The following SLC24A3 variants were observed in gnomAD, a reference collection of about 807,000 sequenced individuals.
The protein encoded by SLC24A3 is sodium/potassium/calcium exchanger 3.
SLC24A3 carries 28 observed loss-of-function variants against 75.8 expected under a neutral mutation model. That is an observed-to-expected ratio of 0.37 (90% CI 0.27 to 0.51). The LOEUF is 0.51. Ranked by LOEUF, SLC24A3 falls within the 20% of genes least tolerant of loss-of-function variation. The pLI, the probability that SLC24A3 is intolerant of heterozygous loss-of-function variation, is 0.94. For missense variants in SLC24A3, 663 were observed against 847.8 expected (o/e 0.78, Z 2.71); for synonymous variants, 372 against 334.1 (o/e 1.11, Z -1.24).
intron 2 of SLC24A3, among the ~76,000 whole-genome samples, chr20:19,484,635 T>C (rs1238563396): frequency 2.0e-5 from 3 of 148,214 alleles, no homozygotes; most frequent in East Asian, 1.9e-4. Context: ...GTCTCTAGAG[T>C]AGTCAAATGC....
intron 6 of SLC24A3, among the ~76,000 whole-genome samples, chr20:19,640,029 C>T (rs910194570): frequency 2.6e-5 from 4 of 152,242 alleles, no homozygotes; most frequent in African/African-American, 9.6e-5. Flanking sequence ...CCACACCTCC[C>T]TGCAAGCTGA....
At chr20:19,440,314 G>T (rs548086747) in intron 2 of SLC24A3, among the ~76,000 whole-genome samples, 2 of 152,324 alleles carry the variant, frequency 1.3e-5, no homozygotes, top group African/African-American at 4.8e-5. Flanking sequence ...TGGTGTTCAG[G>T]TAGGAAGGTT....
At position 19,535,163 on chromosome 20, in the gene SLC24A3, AG is replaced by A. The variant is rs377064914; in HGVS notation, c.348+19601del. On this transcript the variant is annotated intron_variant, in intron 3 of 16. Coordinates refer to ENST00000328041, the MANE Select transcript of SLC24A3 (RefSeq NM_020689.4). ...TAATTGATCTCAGCTCAGCTCTCAA[AG>A]GAGTGATATTGTATCAGTTAGCTTT... Among the ~76,000 whole-genome samples the A allele has an allele frequency of 2.9e-4, 44 of 152,340 alleles. No homozygotes were observed. In the East Asian group the frequency reaches 8.5e-3, roughly 29 times the overall value.
intron 2 of SLC24A3, among the ~76,000 whole-genome samples, chr20:19,467,617 A>G (rs529946108): frequency 4.6e-5 from 7 of 152,200 alleles, no homozygotes; most frequent in South Asian, 2.1e-4. Context: ...ATGGTGGCTC[A>G]TGCCTGTAAT....
chr20:19,509,743 G>T (rs764181259), intron 2 of SLC24A3, among the ~76,000 whole-genome samples: 61 of 152,238 alleles, frequency 4.0e-4, no homozygotes, highest in African/African-American at 1.5e-3. Context: ...GACTTATCAG[G>T]CATCTGCTGT....
In SLC24A3 at chr20:19,722,766, A is replaced by T. The variant is rs2033117645; in HGVS notation, c.*1626A>T. 6.6e-6 allele frequency: 1 copy of T among 152,584 alleles called. No homozygotes were observed. Among genetic ancestry groups the T allele is most frequent in the Non-Finnish European group, 1.5e-5 (1 of 68,044 alleles). 9.5% of individuals were successfully genotyped at this position (152,584 alleles called of 1,614,324 possible). On this transcript the variant is annotated 3_prime_UTR_variant, in exon 17 of 17. Coordinates refer to ENST00000328041, the MANE Select transcript of SLC24A3 (RefSeq NM_020689.4). ...GATGGGGCACGTGCCCAACTGAGGA[A>T]CAGGAGAAGAAATCACCAATTTGGG...
At chr20:19,324,314 C>T (rs545235245) in intron 2 of SLC24A3, among the ~76,000 whole-genome samples, 4 of 152,322 alleles carry the variant, frequency 2.6e-5, no homozygotes, top group African/African-American at 9.6e-5. Flanking sequence ...GGTGCTAAAA[C>T]TTCACTGGAT....
chr20:19,330,857 A>C (rs1310309569), intron 2 of SLC24A3, among the ~76,000 whole-genome samples: 1 of 152,226 alleles, frequency 6.6e-6, no homozygotes, highest in African/African-American at 2.4e-5. Flanking sequence ...CACCAAGGAG[A>C]CCGATGGTCA....
intron 2 of SLC24A3, among the ~76,000 whole-genome samples, chr20:19,403,743 G>A (rs533018908): frequency 3.3e-5 from 5 of 152,218 alleles, no homozygotes; most frequent in South Asian, 2.1e-4. Flanking sequence ...AACAGCATGC[G>A]GACTGGCCCT....
intron 2 of SLC24A3, among the ~76,000 whole-genome samples, chr20:19,422,843 G>A (rs923084790): frequency 6.6e-6 from 1 of 152,308 alleles, no homozygotes; most frequent in East Asian, 1.9e-4. Flanking sequence ...GGGGAAGAAC[G>A]AGCCCCCATA....
intron 7 of SLC24A3, among the ~76,000 whole-genome samples, chr20:19,655,505 G>C (rs540869666): frequency 1.3e-5 from 2 of 152,084 alleles, no homozygotes; most frequent in African/African-American, 4.8e-5. Context: ...GTGTCAACTC[G>C]ACTGGGCTAA....
At chr20:19,612,226 G>A (rs1023316735) in intron 6 of SLC24A3, among the ~76,000 whole-genome samples, 11 of 152,106 alleles carry the variant, frequency 7.2e-5, no homozygotes, top group Non-Finnish European at 1.5e-4. Context: ...GCCATCCTTG[G>A]TTGACCCTAT....
At chr20:19,307,801 C>CA (rs1042370410) in intron 2 of SLC24A3, among the ~76,000 whole-genome samples, 76 of 151,558 alleles carry the variant, frequency 5.0e-4, no homozygotes, top group African/African-American at 1.7e-3. Context: ...TTTTGGCAAC[C>CA]AAAAAAAAGT....
chr20:19,604,920 C>G (rs2122656861), intron 6 of SLC24A3, among the ~76,000 whole-genome samples: 1 of 152,276 alleles, frequency 6.6e-6, no homozygotes, highest in South Asian at 2.1e-4. Flanking sequence ...AAATCTCATC[C>G]TTTTTCCACA....
chr20:19,639,755 G>T (rs543625660), intron 6 of SLC24A3, among the ~76,000 whole-genome samples: 1 of 152,370 alleles, frequency 6.6e-6, no homozygotes, highest in South Asian at 2.1e-4. Flanking sequence ...ATGGCGGGCT[G>T]CAGGTCCCAA....
At chr20:19,516,094 G>C (rs999334618) in intron 3 of SLC24A3, among the ~76,000 whole-genome samples, 4 of 152,164 alleles carry the variant, frequency 2.6e-5, no homozygotes, top group Non-Finnish European at 5.9e-5. Context: ...TCACTGAGTG[G>C]ATTATATGTA....
rs536846396 is a variant in SLC24A3, at chr20:19,688,257, G to A, written c.1324+2896G>A. On this transcript the variant is annotated intron_variant, in intron 12 of 16. Coordinates refer to ENST00000328041, the MANE Select transcript of SLC24A3 (RefSeq NM_020689.4). ...TGACACTGACGCTGCTGGTCTGTGTGCCACACTTGGAGCACGGAGAGGCTA... is the reference window on the plus strand; with the variant it reads ...TGACACTGACGCTGCTGGTCTGTGTACCACACTTGGAGCACGGAGAGGCTA... 3.3e-5 allele frequency among the ~76,000 whole-genome samples: 5 copies of A among 152,330 alleles called. No individual in the cohort carries two copies. The East Asian group carries it at 7.7e-4, about 24-fold the overall frequency.
At chr20:19,363,295 C>T (rs767043146) in intron 2 of SLC24A3, among the ~76,000 whole-genome samples, 27 of 152,224 alleles carry the variant, frequency 1.8e-4, no homozygotes, top group Non-Finnish European at 3.4e-4. Flanking sequence ...AGTTCCCACA[C>T]ACCACAAGGA....
chr20:19,456,679 C>A (rs576458081), intron 2 of SLC24A3, among the ~76,000 whole-genome samples: 3 of 152,334 alleles, frequency 2.0e-5, no homozygotes, highest in Admixed American at 1.3e-4. Flanking sequence ...CACTTCACTG[C>A]CCCTCTACAG....
Sources: gnomAD v4.1 joint callset for allele counts (sites outside exome capture counted in the v4.1 genomes callset) on GRCh38, gnomAD v4.1.1 for gene constraint, MANE v1.5 for transcripts, NCBI Gene and HGNC (gene_info 2026-07-23, HGNC 2026-07-21) for gene names.